The following CCM2 variants were observed in gnomAD, a reference collection of about 807,000 sequenced individuals.
The protein encoded by CCM2 is cerebral cavernous malformations 2 protein.
Under a neutral mutation model 44.9 loss-of-function variants are expected in CCM2, and 25 were observed. The ratio of observed to expected loss-of-function variants is 0.56; its 90% CI spans 0.41 to 0.78. CCM2 has a LOEUF of 0.78. CCM2 is among the 30% of genes least tolerant of loss of function. The probability of loss-of-function intolerance (pLI) is 0.00; values close to 1 mark genes in which losing one functional copy is unlikely to be tolerated. For missense variants in CCM2, 481 were observed against 580.6 expected (o/e 0.83, Z 1.76); for synonymous variants, 219 against 241.1 (o/e 0.91, Z 0.85).
chr7:45,002,443 CCT>C, intron 1 of CCM2, among the ~76,000 whole-genome samples: 1 of 152,172 alleles, frequency 6.6e-6, no homozygotes, highest in Non-Finnish European at 1.5e-5. Flanking sequence ...GCAGCGCTCG[CCT>C]ATAGTCTCAG....
In CCM2 at chr7:45,009,318, A is replaced by AAAAAAAAAG. The variant is rs1554356438; in HGVS notation, c.30+8959_30+8960insAAAAGAAAA. Reference sequence around the variant, plus strand: ...TCTGTCTCAAAAAAAAAAAAAAAAAAAAAATTTTTGAGTACACCAAAGTTG... The same window carrying AAAAAAAAAG: ...TCTGTCTCAAAAAAAAAAAAAAAAAAAAAAAAAAGAAAATTTTTGAGTACACCAAAGTTG... On this transcript the variant is annotated intron_variant, in intron 1 of 9. Transcript: ENST00000258781. Among the ~76,000 whole-genome samples, 31 of 108,598 alleles carry AAAAAAAAAG rather than the reference A, an allele frequency of 2.9e-4. 3 individuals are homozygous for AAAAAAAAAG. Among genetic ancestry groups the AAAAAAAAAG allele is most frequent in the African/African-American group, 1.1e-3 (29 of 25,704 alleles). The allele number at this position is 108,598 out of a possible 152,430, so 71.2% of individuals were successfully genotyped here.
intron 2 of CCM2, among the ~76,000 whole-genome samples, chr7:45,041,627 C>A (rs904369442): frequency 1.3e-5 from 2 of 152,222 alleles, no homozygotes; most frequent in African/African-American, 4.8e-5. Flanking sequence ...ATTTAGACAA[C>A]TGCTCAGTGC....
intron 2 of CCM2, among the ~76,000 whole-genome samples, chr7:45,046,672 G>T (rs1797770090): frequency 6.6e-6 from 1 of 152,102 alleles, no homozygotes. Flanking sequence ...CAGGATGCAG[G>T]GCTACGCAGA....
intron 2 of CCM2, among the ~76,000 whole-genome samples, chr7:45,058,900 A>AT (rs71565945): frequency 0.41 from 58,738 of 142,430 alleles, 12,005 homozygotes; most frequent in South Asian, 0.52. Flanking sequence ...CGCCCAGCTA[A>AT]TTTTTTTTTT....
rs1799138198 is a variant in CCM2, at chr7:45,072,721, T to G, written c.746-5T>G. 1 of 1,611,488 alleles carries G rather than the reference T, an allele frequency of 6.2e-7. No homozygotes were observed. Among genetic ancestry groups the G allele is most frequent in the African/African-American group, 1.3e-5 (1 of 75,010 alleles). The stretch of plus-strand genomic sequence containing the variant: ...TCATCTTAGTTTTCTGCATCTTCCT[T>G]ACAGATGACTCTTCTACAAAAGTGG... On this transcript the variant is annotated splice_region_variant and splice_polypyrimidine_tract_variant and intron_variant, in intron 6 of 9. Transcript: ENST00000258781.
At chr7:45,012,323 G>A (rs1478169046) in intron 1 of CCM2, among the ~76,000 whole-genome samples, 3 of 151,134 alleles carry the variant, frequency 2.0e-5, no homozygotes, top group African/African-American at 4.9e-5. Flanking sequence ...TAGTAGAGAC[G>A]GGGTTTTGCC....
chr7:45,037,486 C>T (rs139894174), intron 1 of CCM2, among the ~76,000 whole-genome samples: 1,622 of 140,274 alleles, frequency 0.012, 31 homozygotes, highest in African/African-American at 0.041. Flanking sequence ...AGTGGCATCT[C>T]GGCTCACTGC....
At chr7:45,036,522 G>C (rs1390421634) in intron 1 of CCM2, among the ~76,000 whole-genome samples, 1 of 152,096 alleles carries the variant, frequency 6.6e-6, no homozygotes, top group Non-Finnish European at 1.5e-5. Context: ...GTGGGGAGGG[G>C]CTCATACAGG....
In CCM2 at chr7:45,038,310, A is replaced by G; in HGVS notation, c.88A>G (p.Lys30Glu). ...VFLKGEKSRD[K>E]KAHEKVTERR... ...CCTAAAAGGTGAAAAGAGTAGAGAT[A>G]AGAAAGCCCATGAGAAGGTGACAGA... Residue 30 changes from lysine to glutamate, a missense_variant, in exon 2 of 10, where the codon AAG becomes GAG. By Grantham distance (56) the Lys-to-Glu change is moderately conservative. Coordinates refer to ENST00000258781, the MANE Select transcript of CCM2 (RefSeq NM_031443.4). The G allele has an allele frequency of 6.2e-7, 1 of 1,614,164 alleles. No individual in the cohort carries two copies. The highest frequency in any genetic ancestry group is 8.5e-7 in the Non-Finnish European group (1 of 1,180,016).
chr7:45,005,538 C>G (rs1205709068), intron 1 of CCM2, among the ~76,000 whole-genome samples: 1 of 63,378 alleles, frequency 1.6e-5, no homozygotes, highest in East Asian at 5.3e-4. Flanking sequence ...AGCAGTGCCC[C>G]CTCCTTGTTG....
intron 2 of CCM2, among the ~76,000 whole-genome samples, chr7:45,046,894 G>T (rs549898108): frequency 6.6e-6 from 1 of 152,094 alleles, no homozygotes; most frequent in East Asian, 1.9e-4. Flanking sequence ...CAAACAATCC[G>T]ATTAAGACAT....
chr7:45,063,825 A>G, intron 2 of CCM2, 93 bp from the exon 3 acceptor site: 1 of 877,210 alleles, frequency 1.1e-6, no homozygotes. Flanking sequence ...TGGCCTGAGT[A>G]TGAAGCACTT....
At chr7:45,055,489 C>T (rs909203630) in intron 2 of CCM2, among the ~76,000 whole-genome samples, 20 of 152,124 alleles carry the variant, frequency 1.3e-4, no homozygotes, top group African/African-American at 4.8e-4. Context: ...GAGTTCAAGA[C>T]CAGCCTGGCC....
rs10596429 is a variant in CCM2 at position 45,023,787 on chromosome 7, G to GTTTTTTTTTTTTTTTTTTTTTTTTTTTTT, written c.31-14456_31-14428dup. Among the ~76,000 whole-genome samples the GTTTTTTTTTTTTTTTTTTTTTTTTTTTTT allele has an allele frequency of 5.1e-5, 3 of 58,616 alleles. 1 individual carries two copies. The highest frequency in any genetic ancestry group is 8.8e-5 in the Non-Finnish European group (3 of 33,952). The allele number at this position is 58,616 out of a possible 152,430, so 38.5% of individuals were successfully genotyped here. A position where few individuals can be genotyped will look rare whatever the true frequency, so the allele number is the denominator to read the frequency against. ...TCATTATTTTGATAGCTCTGTATCA[G>GTTTTTTTTTTTTTTTTTTTTTTTTTTTTT]TTTTTTTTTTTTTTTTTTTTTTTTT... On this transcript the variant is annotated intron_variant, in intron 1 of 9. Coordinates refer to ENST00000258781, the MANE Select transcript of CCM2 (RefSeq NM_031443.4).
chr7:45,025,187 C>T (rs1019320333), intron 1 of CCM2, among the ~76,000 whole-genome samples: 5 of 152,088 alleles, frequency 3.3e-5, no homozygotes, highest in Admixed American at 3.3e-4. Flanking sequence ...AGCAAATTTT[C>T]GTAAATTTTT....
intron 2 of CCM2, among the ~76,000 whole-genome samples, chr7:45,057,487 T>G (rs1209356388): frequency 1.3e-5 from 2 of 152,202 alleles, no homozygotes; most frequent in African/African-American, 2.4e-5. Context: ...AATCCATTGG[T>G]CAGTGTCTGT....
Position 45,076,084 on chromosome 7 carries a change from A to C in CCM2, c.*27A>C. 1 of 1,612,362 alleles carries C rather than the reference A, an allele frequency of 6.2e-7. No individual in the cohort carries two copies. Among genetic ancestry groups the C allele is most frequent in the Admixed American group, 1.7e-5 (1 of 59,992 alleles). On this transcript the variant is annotated 3_prime_UTR_variant, in exon 10 of 10. Transcript: ENST00000258781. ...GGACAGTGGATGGGGGGGCACCCAC[A>C]CCTTCCGCGCAGTCGTCATAGGCCT...
rs1174989938 is a variant in CCM2 at position 45,074,377 on chromosome 7, C to A, written c.1023C>A (p.Leu341=). 3.1e-6 allele frequency: 5 copies of A among 1,613,480 alleles called. No homozygotes were observed. Among genetic ancestry groups the A allele is most frequent in the Non-Finnish European group, 4.2e-6 (5 of 1,179,984 alleles). Residue 341 remains leucine (L), a synonymous_variant, in exon 9 of 10, where the codon CTC becomes CTA. Transcript: ENST00000258781. ...AGTTCTGCATCAACCTGCGGCAGCT[C>A]TACGGGGACAGCCGCAAGTTCCTGC... ...IHEFCINLRQ[L]YGDSRKFLLL... is the part of the protein sequence containing the mutation.
chr7:45,031,128 A>G (rs1159010687), intron 1 of CCM2, among the ~76,000 whole-genome samples: 1 of 151,530 alleles, frequency 6.6e-6, no homozygotes, highest in African/African-American at 2.4e-5. Flanking sequence ...TACACCTGTA[A>G]TCCCAGCACT....
Sources: gnomAD v4.1 joint callset for allele counts (sites outside exome capture counted in the v4.1 genomes callset) on GRCh38, gnomAD v4.1.1 for gene constraint, MANE v1.5 for transcripts, NCBI Gene and HGNC (gene_info 2026-07-23, HGNC 2026-07-21) for gene names.